Variants in PTCHD4 observed in about 807,000 individuals in gnomAD.
The protein encoded by PTCHD4 is patched domain-containing protein 4.
Under a neutral mutation model 58.1 loss-of-function variants are expected in PTCHD4, and 33 were observed. That is an observed-to-expected ratio of 0.57 (90% CI 0.43 to 0.76). The LOEUF is 0.76. Ranked by LOEUF, PTCHD4 falls within the 30% of genes least tolerant of loss-of-function variation. PTCHD4 has a pLI of 0.00. For synonymous variants in PTCHD4, 478 were observed against 409.6 expected (o/e 1.17, Z -2.02); for missense variants, 1,058 against 1,027.1 (o/e 1.03, Z -0.41).
intron 4 of PTCHD4, among the ~76,000 whole-genome samples, chr6:47,927,322 T>C (rs1229218417): frequency 7.2e-5 from 11 of 152,210 alleles, no homozygotes; most frequent in Admixed American, 2.0e-4. Flanking sequence ...GGGATGAACA[T>C]GTTGCCTCAG....
At chr6:47,910,955 T>C (rs546217677) in intron 4 of PTCHD4, among the ~76,000 whole-genome samples, 13 of 152,204 alleles carry the variant, frequency 8.5e-5, no homozygotes, top group African/African-American at 3.1e-4. Context: ...GCAAAGCACA[T>C]CTTCTTAGTG....
intron 4 of PTCHD4, among the ~76,000 whole-genome samples, chr6:47,988,594 T>C (rs1201686344): frequency 6.6e-6 from 1 of 152,170 alleles, no homozygotes; most frequent in Non-Finnish European, 1.5e-5. Context: ...ATATGAGTCA[T>C]GGGGGCAGTT....
chr6:48,063,611 T>C (rs907123575), intron 3 of PTCHD4, among the ~76,000 whole-genome samples: 1 of 152,166 alleles, frequency 6.6e-6, no homozygotes, highest in African/African-American at 2.4e-5. Context: ...TTCAGTTTTC[T>C]TTCTTATAAA....
intron 3 of PTCHD4, among the ~76,000 whole-genome samples, chr6:48,024,321 T>C (rs1763168224): frequency 6.6e-6 from 1 of 151,824 alleles, no homozygotes; most frequent in African/African-American, 2.4e-5. Context: ...CTAAGTAGGG[T>C]GTATTTAGCT....
intron 4 of PTCHD4, among the ~76,000 whole-genome samples, chr6:47,990,251 C>T (rs1021460616): frequency 6.6e-6 from 1 of 152,160 alleles, no homozygotes; most frequent in Non-Finnish European, 1.5e-5. Context: ...TGCCTTGTCT[C>T]AGATGAGACT....
chr6:47,942,707 T>C (rs1432518673), intron 4 of PTCHD4, among the ~76,000 whole-genome samples: 1 of 152,230 alleles, frequency 6.6e-6, no homozygotes, highest in Non-Finnish European at 1.5e-5. Context: ...TTTGACATTC[T>C]ATGCTTTTCC....
At chr6:47,931,729 C>T (rs991651652) in intron 4 of PTCHD4, among the ~76,000 whole-genome samples, 4 of 151,182 alleles carry the variant, frequency 2.6e-5, no homozygotes, top group Admixed American at 6.6e-5. Flanking sequence ...ATTCTTCCTT[C>T]GGCCTGAAGC....
intron 1 of PTCHD4, among the ~76,000 whole-genome samples, chr6:48,092,700 C>T (rs1193702294): frequency 6.6e-6 from 1 of 152,082 alleles, no homozygotes; most frequent in Non-Finnish European, 1.5e-5. Context: ...CAGAAAGGGT[C>T]AGGACAGGAC....
intron 1 of PTCHD4, among the ~76,000 whole-genome samples, chr6:48,105,989 A>AAGATG (rs1400742430): frequency 6.6e-6 from 1 of 152,108 alleles, no homozygotes; most frequent in Non-Finnish European, 1.5e-5. Flanking sequence ...AGTCCAGGAC[A>AAGATG]AGATGGATTC....
At chr6:48,099,210 G>T (rs1765542831) in intron 1 of PTCHD4, among the ~76,000 whole-genome samples, 1 of 152,138 alleles carries the variant, frequency 6.6e-6, no homozygotes, top group Non-Finnish European at 1.5e-5. Flanking sequence ...TCCAAATAGT[G>T]GTCGCCAGCC....
At position 47,878,371 on chromosome 6, in the gene PTCHD4, G is replaced by T. The variant is rs144105703; in HGVS notation, c.2464C>A (p.Arg822=). 13 of 1,611,952 alleles carry T rather than the reference G, an allele frequency of 8.1e-6. No homozygotes were observed. Among genetic ancestry groups the T allele is most frequent in the South Asian group, 2.2e-5 (2 of 90,866 alleles). ...KHHKKKKRAK[R]KEREEIECIE... is the part of the protein sequence containing the mutation. The stretch of plus-strand genomic sequence containing the variant: ...CATTCAATTTCCTCTCTCTCCTTTC[G>T]CTTGGCACGTTTCTTTTTCTTGTGG... The change falls in exon 5 of 5, where the codon CGA becomes AGA. Residue 822 remains arginine (R), a synonymous_variant. Transcript: ENST00000339488.
intron 3 of PTCHD4, among the ~76,000 whole-genome samples, chr6:48,019,600 G>T (rs1054259282): frequency 1.3e-5 from 2 of 152,036 alleles, no homozygotes; most frequent in Non-Finnish European, 2.9e-5. Context: ...GCTGGGCGTG[G>T]TGGGGGGCTC....
rs1000205024 is a variant in PTCHD4 at position 47,875,361 on chromosome 6, G to A, written c.*2942C>T. Reference sequence around the variant, plus strand: ...TGCAAGTCATGATCTCATATCTTAGGATGTATCTTAGTATTCAGGAAATGG... The same window carrying A: ...TGCAAGTCATGATCTCATATCTTAGAATGTATCTTAGTATTCAGGAAATGG... On this transcript the variant is annotated 3_prime_UTR_variant, in exon 5 of 5. Transcript: ENST00000339488. Among the ~76,000 whole-genome samples, 1 of 151,826 alleles carries A rather than the reference G, an allele frequency of 6.6e-6. No individual in the cohort carries two copies. The highest frequency in any genetic ancestry group is 2.4e-5 in the African/African-American group (1 of 41,398).
intron 4 of PTCHD4, among the ~76,000 whole-genome samples, chr6:47,972,379 G>C (rs1365587524): frequency 6.6e-6 from 1 of 152,086 alleles, no homozygotes; most frequent in Non-Finnish European, 1.5e-5. Flanking sequence ...CTGGGAAACG[G>C]AGCTATAAAA....
At chr6:47,961,113 T>TA (rs1336382039) in intron 4 of PTCHD4, among the ~76,000 whole-genome samples, 6 of 151,208 alleles carry the variant, frequency 4.0e-5, no homozygotes, top group African/African-American at 7.3e-5. Context: ...CTTAATAAAT[T>TA]AAAAAAAAAT....
intron 1 of PTCHD4, among the ~76,000 whole-genome samples, chr6:48,072,745 TGA>T (rs1764997982): frequency 1.3e-5 from 2 of 152,176 alleles, no homozygotes; most frequent in Non-Finnish European, 2.9e-5. Flanking sequence ...AAGCCAACTA[TGA>T]GTTTATATTT....
chr6:48,097,771 G>A (rs930736843), intron 1 of PTCHD4, among the ~76,000 whole-genome samples: 1 of 152,130 alleles, frequency 6.6e-6, no homozygotes, highest in African/African-American at 2.4e-5. Flanking sequence ...GTTTAGGTTT[G>A]CTGTAGGAAG....
intron 4 of PTCHD4, among the ~76,000 whole-genome samples, chr6:47,896,109 A>G (rs529467093): frequency 2.6e-5 from 4 of 152,192 alleles, no homozygotes; most frequent in Non-Finnish European, 5.9e-5. Flanking sequence ...AACCCCTGTG[A>G]TCATCTCTTA....
In PTCHD4 at chr6:47,861,168, C is replaced by T. The variant is rs569175371; in HGVS notation, c.*17135G>A. 6.6e-6 allele frequency among the ~76,000 whole-genome samples: 1 copy of T among 152,012 alleles called. No individual in the cohort carries two copies. The highest frequency in any genetic ancestry group is 2.1e-4 in the South Asian group (1 of 4,826). ...ATCTGTAGATGAATTCTTCTTTTTA[C>T]CTAAACTACTTAGTCCTGATTTTTC... On this transcript the variant is annotated 3_prime_UTR_variant, in exon 5 of 5. Coordinates refer to ENST00000339488, the MANE Select transcript of PTCHD4 (RefSeq NM_001384253.1).
Sources: allele counts gnomAD v4.1 joint callset (sites outside exome capture counted in the v4.1 genomes callset), GRCh38; gene constraint gnomAD v4.1.1; transcripts MANE v1.5; gene names NCBI Gene and HGNC (gene_info 2026-07-23, HGNC 2026-07-21).